The following TNRC6A variants were observed in gnomAD, a reference collection of about 807,000 sequenced individuals.
The protein encoded by TNRC6A is trinucleotide repeat-containing gene 6A protein.
In TNRC6A, 44 loss-of-function variants were observed where a neutral mutation model predicts 221.2. The observed-to-expected ratio is 0.20, with a 90% confidence interval of 0.16 to 0.26. The LOEUF (loss-of-function observed/expected upper bound fraction) is 0.26, where lower values mean the gene tolerates loss of function less well. TNRC6A is among the 10% of genes least tolerant of loss of function. The pLI is 1.00. For missense variants in TNRC6A, 2,199 were observed against 2,404.4 expected (o/e 0.91, Z 1.79); for synonymous variants, 847 against 838.5 (o/e 1.01, Z -0.18).
chr16:24,740,845 C>G (rs1409540375), intron 2 of TNRC6A, among the ~76,000 whole-genome samples: 1 of 152,136 alleles, frequency 6.6e-6, no homozygotes, highest in African/African-American at 2.4e-5. Context: ...CACCTTCTGT[C>G]TGTATGCATT....
At chr16:24,633,929 A>G (rs1283262229) in intron 1 of TNRC6A, among the ~76,000 whole-genome samples, 1 of 151,618 alleles carries the variant, frequency 6.6e-6, no homozygotes, top group Non-Finnish European at 1.5e-5. Context: ...ACAGTCATGC[A>G]CCACCACACC....
At chr16:24,678,820 G>T (rs545484209) in intron 2 of TNRC6A, among the ~76,000 whole-genome samples, 1 of 152,208 alleles carries the variant, frequency 6.6e-6, no homozygotes, top group South Asian at 2.1e-4. Flanking sequence ...GCTGAGTTCT[G>T]GGGAAAATTG....
At chr16:24,625,454 G>A (rs1900914048) in intron 1 of TNRC6A, among the ~76,000 whole-genome samples, 2 of 152,072 alleles carry the variant, frequency 1.3e-5, no homozygotes, top group South Asian at 2.1e-4. Flanking sequence ...TCTACTAAAA[G>A]TATAAAAATT....
At chr16:24,685,786 T>C (rs1396562981) in intron 2 of TNRC6A, among the ~76,000 whole-genome samples, 1 of 152,188 alleles carries the variant, frequency 6.6e-6, no homozygotes, top group Non-Finnish European at 1.5e-5. Flanking sequence ...ATGGGTATGA[T>C]AGTAATAACT....
intron 19 of TNRC6A, chr16:24,815,517 AG>A (rs140584568): frequency 0.011 from 6,343 of 584,154 alleles, 313 homozygotes; most frequent in African/African-American, 0.1. Flanking sequence ...ATGCTCAAGC[AG>A]CAGAGGTAGA....
chr16:24,675,132 C>T (rs1490388443), intron 2 of TNRC6A, among the ~76,000 whole-genome samples: 1 of 151,642 alleles, frequency 6.6e-6, no homozygotes, highest in African/African-American at 2.4e-5. Flanking sequence ...AGTGACAGAT[C>T]GAGACCCTGT....
At chr16:24,692,511 A>G (rs1014652750) in intron 2 of TNRC6A, among the ~76,000 whole-genome samples, 2 of 152,178 alleles carry the variant, frequency 1.3e-5, no homozygotes, top group Non-Finnish European at 2.9e-5. Flanking sequence ...TGGAGGTTGC[A>G]GTGAGCTGAG....
At chr16:24,612,595 A>C (rs1900111750) in intron 1 of TNRC6A, among the ~76,000 whole-genome samples, 1 of 151,486 alleles carries the variant, frequency 6.6e-6, no homozygotes, top group Non-Finnish European at 1.5e-5. Flanking sequence ...AAAAATACAA[A>C]AAAAAAAAAA....
chr16:24,792,188 A>G (rs2058116814), intron 6 of TNRC6A, among the ~76,000 whole-genome samples: 1 of 152,214 alleles, frequency 6.6e-6, no homozygotes, highest in African/African-American at 2.4e-5. Context: ...GTACTCTCTA[A>G]ACATTAGGTT....
intron 2 of TNRC6A, among the ~76,000 whole-genome samples, chr16:24,733,449 A>G (rs369350678): frequency 6.6e-6 from 1 of 152,350 alleles, no homozygotes; most frequent in South Asian, 2.1e-4. Flanking sequence ...ACAGTTGGCC[A>G]TTAAAATTGT....
intron 2 of TNRC6A, among the ~76,000 whole-genome samples, chr16:24,704,078 G>A (rs1384235309): frequency 1.0e-5 from 1 of 99,170 alleles, no homozygotes; most frequent in African/African-American, 5.5e-5. Flanking sequence ...ATGAGACCTT[G>A]TATCAAAAAA....
At chr16:24,760,385 A>G (rs1250459753) in intron 4 of TNRC6A, among the ~76,000 whole-genome samples, 5 of 152,188 alleles carry the variant, frequency 3.3e-5, no homozygotes, top group Admixed American at 3.3e-4. Flanking sequence ...TTCTAAATGT[A>G]AATAATTTTC....
chr16:24,758,062 A>G (rs1346597054), intron 3 of TNRC6A, among the ~76,000 whole-genome samples: 1 of 152,212 alleles, frequency 6.6e-6, no homozygotes, highest in Non-Finnish European at 1.5e-5. Flanking sequence ...CATTTAAAAA[A>G]TTATATACTG....
chr16:24,651,693 C>A (rs1902673331), intron 2 of TNRC6A, among the ~76,000 whole-genome samples: 1 of 150,230 alleles, frequency 6.7e-6, no homozygotes, highest in African/African-American at 2.4e-5. Context: ...ACACCCCCTC[C>A]CCCCGCCATC....
intron 23 of TNRC6A, 109 bp from the exon 24 acceptor site, chr16:24,822,765 G>A (rs1311350845): frequency 1.4e-6 from 2 of 1,445,666 alleles, no homozygotes; most frequent in African/African-American, 1.4e-5. Flanking sequence ...GTGGTGCCAG[G>A]AGCACAGAGC....
intron 20 of TNRC6A, among the ~76,000 whole-genome samples, chr16:24,818,236 T>C (rs2058693179): frequency 1.3e-5 from 2 of 152,114 alleles, no homozygotes; most frequent in African/African-American, 4.8e-5. Context: ...TCACTGGAGC[T>C]CAGGGGCGAG....
chr16:24,812,877 CTTTTTTTTTTTTTTTT>C (rs71383720), intron 18 of TNRC6A, among the ~76,000 whole-genome samples: 1 of 74,992 alleles, frequency 1.3e-5, no homozygotes, highest in Non-Finnish European at 2.4e-5. Flanking sequence ...ACCTCTTGGG[CTTTTTTTTTTTTTTTT>C]TTTTTTTTTG....
At chr16:24,663,328 G>A (rs914988396) in intron 2 of TNRC6A, 6 of 154,142 alleles carry the variant, frequency 3.9e-5, no homozygotes, top group African/African-American at 1.2e-4. Context: ...CGAGGCCGGC[G>A]GCCTTGTCAC....
chr16:24,738,374 T>C (rs945379867), intron 2 of TNRC6A, among the ~76,000 whole-genome samples: 2 of 152,210 alleles, frequency 1.3e-5, no homozygotes, highest in African/African-American at 4.8e-5. Context: ...CACAGAGTTG[T>C]GCAATCAGCA....
Sources: gnomAD v4.1 joint callset for allele counts (sites outside exome capture counted in the v4.1 genomes callset) on GRCh38, gnomAD v4.1.1 for gene constraint, MANE v1.5 for transcripts, NCBI Gene and HGNC (gene_info 2026-07-23, HGNC 2026-07-21) for gene names.